GRIK2: variants seen among roughly 807,000 people sequenced by gnomAD.
The protein encoded by GRIK2 is glutamate ionotropic receptor kainate type subunit 2.
In GRIK2, 32 loss-of-function variants were observed where a neutral mutation model predicts 100.3. The observed-to-expected ratio is 0.32, with a 90% confidence interval of 0.24 to 0.43. The LOEUF is 0.43. Ranked by LOEUF, GRIK2 falls within the 20% of genes least tolerant of loss-of-function variation. The pLI is 1.00. For missense variants in GRIK2, 843 were observed against 1,114.9 expected (o/e 0.76, Z 3.47); for synonymous variants, 417 against 389.4 (o/e 1.07, Z -0.83).
intron 5 of GRIK2, among the ~76,000 whole-genome samples, chr6:101,681,479 C>T (rs184802107): frequency 6.7e-6 from 1 of 148,538 alleles, no homozygotes; most frequent in East Asian, 2.0e-4. Context: ...AACCAGTCCT[C>T]CTGCCTTGGT....
intron 2 of GRIK2, among the ~76,000 whole-genome samples, chr6:101,520,306 ATTTG>A (rs1248846447): frequency 6.6e-6 from 1 of 151,090 alleles, no homozygotes; most frequent in Non-Finnish European, 1.5e-5. Context: ...TGTCTTTATT[ATTTG>A]TTTTTTCTTT....
intron 7 of GRIK2, among the ~76,000 whole-genome samples, chr6:101,782,334 C>A (rs1304631188): frequency 6.6e-6 from 1 of 152,172 alleles, no homozygotes; most frequent in Non-Finnish European, 1.5e-5. Context: ...CATTAACCAA[C>A]TTCTCCTCGT....
chr6:101,894,992 T>G (rs1418055822), intron 12 of GRIK2, among the ~76,000 whole-genome samples: 2 of 151,808 alleles, frequency 1.3e-5, no homozygotes, highest in African/African-American at 4.8e-5. Flanking sequence ...GCATATCTTA[T>G]TTTGAAATTG....
intron 4 of GRIK2, among the ~76,000 whole-genome samples, chr6:101,634,280 G>A (rs543029732): frequency 6.6e-6 from 1 of 152,226 alleles, no homozygotes; most frequent in South Asian, 2.1e-4. Flanking sequence ...CCGGGAAGGA[G>A]TGATGAAGAC....
intron 12 of GRIK2, among the ~76,000 whole-genome samples, chr6:101,910,784 A>G (rs1394069820): frequency 6.6e-6 from 1 of 150,778 alleles, no homozygotes; most frequent in Non-Finnish European, 1.5e-5. Context: ...ATTACAGGAA[A>G]AGAATTAGGT....
At chr6:101,856,765 A>T (rs540668713) in intron 10 of GRIK2, among the ~76,000 whole-genome samples, 9 of 152,246 alleles carry the variant, frequency 5.9e-5, no homozygotes, top group Admixed American at 3.3e-4. Context: ...GGTTGTTAGA[A>T]ATCCTAACTA....
chr6:101,766,648 G>T (rs1382504745), intron 7 of GRIK2, among the ~76,000 whole-genome samples: 1 of 152,080 alleles, frequency 6.6e-6, no homozygotes, highest in Non-Finnish European at 1.5e-5. Flanking sequence ...TGGGAGTGTT[G>T]TCCTCTGAAG....
intron 7 of GRIK2, among the ~76,000 whole-genome samples, chr6:101,718,179 T>C (rs1284385872): frequency 6.6e-6 from 1 of 151,838 alleles, no homozygotes; most frequent in Admixed American, 6.6e-5. Context: ...AACTCTGCTG[T>C]TGGCAATTTC....
Position 101,776,200 on chromosome 6 carries a change from A to G in GRIK2, c.952-23448A>G, listed in dbSNP as rs80185913. 6.8e-3 allele frequency among the ~76,000 whole-genome samples: 1,035 copies of G among 152,314 alleles called. 7 individuals are homozygous for G. Among genetic ancestry groups the G allele is most frequent in the Non-Finnish European group, 0.012 (837 of 68,032 alleles). The stretch of plus-strand genomic sequence containing the variant: ...GGTGAAACAACAAAGAAAAGACCAT[A>G]ATATAAATATTGGCAGGTTTTATTT... On this transcript the variant is annotated intron_variant, in intron 7 of 16. Transcript: ENST00000369134.
chr6:101,839,503 C>A (rs537371506), intron 10 of GRIK2, among the ~76,000 whole-genome samples: 40 of 152,152 alleles, frequency 2.6e-4, no homozygotes, highest in African/African-American at 9.4e-4. Flanking sequence ...TGTAAGTTTC[C>A]TGAAGGAATT....
chr6:101,816,377 T>A (rs2128420791), intron 9 of GRIK2, among the ~76,000 whole-genome samples: 1 of 149,812 alleles, frequency 6.7e-6, no homozygotes, highest in East Asian at 2.1e-4. Flanking sequence ...TATTTGCAAA[T>A]GATTTTAAAT....
chr6:102,024,264 G>A (rs1769577526), intron 14 of GRIK2, among the ~76,000 whole-genome samples: 1 of 150,950 alleles, frequency 6.6e-6, no homozygotes, highest in African/African-American at 2.4e-5. Flanking sequence ...GAAATGACTT[G>A]TACTGACTTT....
At chr6:101,486,239 T>C (rs899753620) in intron 2 of GRIK2, among the ~76,000 whole-genome samples, 2 of 151,832 alleles carry the variant, frequency 1.3e-5, no homozygotes, top group East Asian at 1.9e-4. Flanking sequence ...CCAAGGGAAA[T>C]AGGCAGTTTG....
At chr6:101,927,331 A>AT in intron 13 of GRIK2, 1 of 752,750 alleles carries the variant, frequency 1.3e-6, no homozygotes. Flanking sequence ...TACTAAAGAT[A>AT]TGACTGTAAG....
chr6:101,644,374 T>C (rs1582882898), intron 4 of GRIK2, among the ~76,000 whole-genome samples: 1 of 151,656 alleles, frequency 6.6e-6, no homozygotes, highest in Admixed American at 6.6e-5. Context: ...GGTAGCATGA[T>C]GAAACATCTA....
At chr6:101,904,110 CTA>C (rs1214820586) in intron 12 of GRIK2, among the ~76,000 whole-genome samples, 7 of 150,874 alleles carry the variant, frequency 4.6e-5, no homozygotes, top group Non-Finnish European at 7.4e-5. Flanking sequence ...TTTATGTTCT[CTA>C]TTAGTTAACT....
chr6:102,061,803 C>G (rs1771767050), intron 16 of GRIK2, among the ~76,000 whole-genome samples: 1 of 150,238 alleles, frequency 6.7e-6, no homozygotes, highest in Non-Finnish European at 1.5e-5. Context: ...ACAAGCAGCT[C>G]TTTTAAAAAT....
intron 10 of GRIK2, among the ~76,000 whole-genome samples, chr6:101,819,470 A>C (rs992771858): frequency 6.6e-6 from 1 of 152,210 alleles, no homozygotes; most frequent in African/African-American, 2.4e-5. Context: ...GATAATCATG[A>C]AGTGACAGTG....
intron 7 of GRIK2, among the ~76,000 whole-genome samples, chr6:101,707,523 AATAT>A (rs890478138): frequency 7.4e-6 from 1 of 136,028 alleles, no homozygotes; most frequent in Non-Finnish European, 1.5e-5. Flanking sequence ...GAATTGTGAA[AATAT>A]ATATGTGTGT....
Sources: gnomAD v4.1 joint callset for allele counts (sites outside exome capture counted in the v4.1 genomes callset) on GRCh38, gnomAD v4.1.1 for gene constraint, MANE v1.5 for transcripts, NCBI Gene and HGNC (gene_info 2026-07-23, HGNC 2026-07-21) for gene names.